Variants in CR1L observed in about 807,000 individuals in gnomAD.
CR1L encodes complement C3b/C4b receptor 1 like.
A neutral mutation model predicts 62.3 loss-of-function variants in CR1L; 59 were observed. That is an observed-to-expected ratio of 0.95 (90% CI 0.77 to 1.18). The LOEUF is 1.18. Among genes scored for constraint, CR1L ranks in the 50% most tolerant of loss-of-function variants. The pLI is 0.00. For missense variants in CR1L, 700 were observed against 702.8 expected (o/e 1.00, Z 0.04); for synonymous variants, 279 against 248.7 (o/e 1.12, Z -1.15).
At position 207,723,667 on chromosome 1, in the gene CR1L, G is replaced by A. The variant is rs1436646812; in HGVS notation, c.1692G>A (p.Glu564=). The A allele has an allele frequency of 6.3e-7, 1 of 1,592,458 alleles. No individual in the cohort carries two copies. The highest frequency in any genetic ancestry group is 8.6e-7 in the Non-Finnish European group (1 of 1,167,290). ...GTAAGTTTTATGAAGTGTTTGCTGA[G>A]GAATTCTGTCATCTTTAACAGTAAG... ...IVGKFYEVFA[E]EFCHL The change falls in exon 12 of 12, where the codon GAG becomes GAA. Residue 564 remains glutamate, a synonymous_variant. Coordinates refer to ENST00000508064, the MANE Select transcript of CR1L (RefSeq NM_175710.2).
chr1:207,716,221 T>TA (rs1372491909), intron 10 of CR1L, among the ~76,000 whole-genome samples: 6 of 152,152 alleles, frequency 3.9e-5, no homozygotes, highest in Non-Finnish European at 7.3e-5. Flanking sequence ...AACAAAATTC[T>TA]AAAAATTATA....
chr1:207,671,001 C>T (rs1663607602), intron 1 of CR1L, among the ~76,000 whole-genome samples: 1 of 151,022 alleles, frequency 6.6e-6, no homozygotes, highest in African/African-American at 2.5e-5. Context: ...AAGGTGTATG[C>T]ATATAGAAGT....
chr1:207,657,410 T>G, intron 1 of CR1L: 1 of 629,492 alleles, frequency 1.6e-6, no homozygotes, highest in Non-Finnish European at 2.9e-6. Flanking sequence ...CAGGTGTATG[T>G]GCTTCCTCCT....
At chr1:207,687,285 C>G (rs1663927284) in intron 4 of CR1L, among the ~76,000 whole-genome samples, 1 of 152,136 alleles carries the variant, frequency 6.6e-6, no homozygotes, top group Non-Finnish European at 1.5e-5. Flanking sequence ...CTGGAAAAGC[C>G]ATATAGCCTG....
chr1:207,723,353 CCA>C (rs1283427450), intron 11 of CR1L, among the ~76,000 whole-genome samples: 2 of 151,546 alleles, frequency 1.3e-5, no homozygotes, highest in Non-Finnish European at 2.9e-5. Context: ...TCCCTTGAAC[CCA>C]GGAGGCAGAG....
At chr1:207,648,174 A>AACAC (rs71154832) in intron 1 of CR1L, among the ~76,000 whole-genome samples, 1,712 of 125,250 alleles carry the variant, frequency 0.014, 21 homozygotes, top group Non-Finnish European at 0.021. Context: ...CCCGGTCTCA[A>AACAC]ACACACACAC....
intron 1 of CR1L, chr1:207,669,438 C>T (rs1260585189): frequency 1.5e-6 from 2 of 1,329,854 alleles, no homozygotes; most frequent in Non-Finnish European, 2.1e-6. Flanking sequence ...AGATGTGCTT[C>T]GGGAGGATGG....
chr1:207,717,670 T>C lies in CR1L; in HGVS notation c.1621T>C (p.Cys541Arg), dbSNP rs763724383. ...GGTTTGGAGCAGCCCTGCCCCTCGC[T>C]GTGAACTTCCTGTTGGTGCTGGTCA... ...NGVWSSPAPR[C>R]ELPVGAGSHD... is the part of the protein sequence containing the mutation. Residue 541 changes from cysteine (C) to arginine (R), a missense_variant, in exon 11 of 12, where the codon TGT becomes CGT. Transcript: ENST00000508064. 2 of 1,614,044 alleles carry C rather than the reference T, an allele frequency of 1.2e-6. No homozygotes were observed. Among genetic ancestry groups the C allele is most frequent in the Admixed American group, 3.3e-5 (2 of 60,024 alleles).
At chr1:207,680,606 AT>A (rs1324686838) in intron 3 of CR1L, among the ~76,000 whole-genome samples, 1 of 152,134 alleles carries the variant, frequency 6.6e-6, no homozygotes, top group East Asian at 1.9e-4. Flanking sequence ...AGAATTGTAT[AT>A]TGTGAAATTA....
chr1:207,649,311 A>G (rs1036492793), intron 1 of CR1L, among the ~76,000 whole-genome samples: 3 of 152,194 alleles, frequency 2.0e-5, no homozygotes, highest in African/African-American at 7.2e-5. Flanking sequence ...GTGGCAGAGT[A>G]GGGTAAAGGA....
intron 11 of CR1L, among the ~76,000 whole-genome samples, chr1:207,719,402 T>G (rs558634431): frequency 3.3e-5 from 5 of 152,056 alleles, no homozygotes; most frequent in Admixed American, 3.3e-4. Flanking sequence ...TTGTAAAAGT[T>G]AATATATAAT....
chr1:207,695,108 A>C (rs1276988598), intron 5 of CR1L, among the ~76,000 whole-genome samples: 1 of 152,110 alleles, frequency 6.6e-6, no homozygotes, highest in Non-Finnish European at 1.5e-5. Context: ...TTAGGTAGTT[A>C]CCAGTTTTTC....
intron 3 of CR1L, among the ~76,000 whole-genome samples, chr1:207,679,435 T>G (rs1481883788): frequency 2.6e-5 from 4 of 152,158 alleles, no homozygotes; most frequent in Non-Finnish European, 5.9e-5. Flanking sequence ...GAACTGGGGA[T>G]TAAGACATCC....
At chr1:207,695,121 G>A (rs1324585771) in intron 5 of CR1L, among the ~76,000 whole-genome samples, 1 of 151,994 alleles carries the variant, frequency 6.6e-6, no homozygotes, top group African/African-American at 2.4e-5. Flanking sequence ...AGTTTTTCTA[G>A]GTTTGTCTGT....
intron 4 of CR1L, 24 bp downstream of exon 4, chr1:207,683,981 T>C (rs1558018207): frequency 1.3e-6 from 2 of 1,595,324 alleles, no homozygotes; most frequent in Non-Finnish European, 1.7e-6. Context: ...TGCATTCCTA[T>C]TTCTTTTACC....
chr1:207,699,089 A>G, intron 7 of CR1L, 100 bp from the exon 8 acceptor site: 1 of 1,482,978 alleles, frequency 6.7e-7, no homozygotes, highest in Non-Finnish European at 9.4e-7. Context: ...TGCTGGCCTC[A>G]GGTCCTCAAA....
chr1:207,655,234 G>C (rs757719482), intron 1 of CR1L: 40 of 700,508 alleles, frequency 5.7e-5, no homozygotes, highest in Non-Finnish European at 9.5e-5. Context: ...GAACTTAAAG[G>C]ATCAGTAGCA....
At chr1:207,710,791 T>C (rs1461693390) in intron 10 of CR1L, 164 of 1,586,872 alleles carry the variant, frequency 1.0e-4, no homozygotes, top group Admixed American at 1.8e-4. Context: ...AGGGGTGTGT[T>C]TGCCTGAGGC....
chr1:207,663,829 C>G (rs1012261377), intron 1 of CR1L, among the ~76,000 whole-genome samples: 4 of 152,152 alleles, frequency 2.6e-5, no homozygotes, highest in Non-Finnish European at 5.9e-5. Flanking sequence ...GAGTTTGTTC[C>G]TACTGCAGGA....
Sources: gnomAD v4.1 joint callset for allele counts (sites outside exome capture counted in the v4.1 genomes callset) on GRCh38, gnomAD v4.1.1 for gene constraint, MANE v1.5 for transcripts, NCBI Gene and HGNC (gene_info 2026-07-23, HGNC 2026-07-21) for gene names.